SULT1E1: variants seen among roughly 807,000 people sequenced by gnomAD.
The protein encoded by SULT1E1 is sulfotransferase family 1E member 1, also known as sulfotransferase 1E1.
SULT1E1 carries 36 observed loss-of-function variants against 33.6 expected under a neutral mutation model. The observed-to-expected ratio is 1.07, with a 90% CI of 0.82 to 1.41. The LOEUF is 1.41. SULT1E1 is among the 40% of genes most tolerant of loss of function. SULT1E1 has a pLI of 0.00. For synonymous variants in SULT1E1, 121 were observed against 111.7 expected (o/e 1.08, Z -0.53); for missense variants, 371 against 345.7 (o/e 1.07, Z -0.58).
intron 1 of SULT1E1, among the ~76,000 whole-genome samples, chr4:69,858,653 T>TA (rs11573746): frequency 0.022 from 3,374 of 152,166 alleles, 129 homozygotes; most frequent in African/African-American, 0.076. Context: ...TCTCAACTTT[T>TA]AAAAAACCTT....
downstream of SULT1E1, among the ~76,000 whole-genome samples, chr4:69,840,874 G>A (rs1459122479): frequency 3.3e-5 from 5 of 151,946 alleles, no homozygotes; most frequent in South Asian, 2.1e-4. Flanking sequence ...GTGAAACCCC[G>A]TCTCTACTAA....
In SULT1E1 at chr4:69,855,358, C is replaced by A; in HGVS notation, c.214G>T (p.Asp72Tyr). The part of the protein sequence containing the change: ...KEGDVEKCKE[D>Y]VIFNRIPFLE... ...AAAGGTATTCGATTAAAAATTACATCTTCTTTGCACTTTTCCACATCACCC... is the reference window on the plus strand; with the variant it reads ...AAAGGTATTCGATTAAAAATTACATATTCTTTGCACTTTTCCACATCACCC... The change falls in exon 3 of 8, where the codon GAT becomes TAT. Residue 72 changes from aspartate (D) to tyrosine (Y), a missense_variant. Transcript: ENST00000226444. 6.2e-7 allele frequency: 1 copy of A among 1,613,136 alleles called. No homozygotes were observed. Among genetic ancestry groups the A allele is most frequent in the Non-Finnish European group, 8.5e-7 (1 of 1,179,528 alleles).
chr4:69,839,571 A>T (rs749656081), downstream of SULT1E1, among the ~76,000 whole-genome samples: 1 of 152,224 alleles, frequency 6.6e-6, no homozygotes, highest in East Asian at 1.9e-4. Flanking sequence ...CTGTGAATTT[A>T]TCTGGGCCTG....
At chr4:69,838,389 T>C (rs768156481), downstream of SULT1E1, 2 of 152,162 alleles carry the variant, frequency 1.3e-5, no homozygotes, top group East Asian at 3.9e-4. Flanking sequence ...AAGAACAGAA[T>C]TCAAGAGAGT....
Position 69,847,723 on chromosome 4 carries a change from A to C in SULT1E1, c.566T>G (p.Phe189Cys). The change falls in exon 6 of 8, where the codon TTT (phenylalanine) becomes TGT (cysteine). Residue 189 changes from phenylalanine to cysteine, a missense_variant. Transcript: ENST00000226444. Reference protein sequence around the residue: ...WEKGKSPRVLFLFYEDLKEDI... With the variant: ...WEKGKSPRVLCLFYEDLKEDI... The stretch of plus-strand genomic sequence containing the variant: ...CTCTTTCAGGTCTTCGTAGAAAAGA[A>C]ATAGTACACGTGGACTCTTTCCCTT... 6.2e-7 allele frequency: 1 copy of C among 1,606,900 alleles called. No homozygotes were observed. The highest frequency in any genetic ancestry group is 1.7e-4 in the Middle Eastern group (1 of 6,028).
At chr4:69,859,151 G>T (rs1055016660) in intron 1 of SULT1E1, among the ~76,000 whole-genome samples, 20 of 152,016 alleles carry the variant, frequency 1.3e-4, no homozygotes, top group African/African-American at 4.3e-4. Context: ...TAGGTCAGTT[G>T]TTCAGAAATA....
chr4:69,834,043 A>C, the SULT1E1 span, among the ~76,000 whole-genome samples: 22 of 152,078 alleles, frequency 1.4e-4, no homozygotes, highest in Admixed American at 1.0e-3. Context: ...CTTTATCTTG[A>C]AACATTTTGT....
intron 6 of SULT1E1, among the ~76,000 whole-genome samples, chr4:69,845,064 T>C (rs980030502): frequency 1.6e-4 from 25 of 152,062 alleles, no homozygotes; most frequent in African/African-American, 5.8e-4. Flanking sequence ...TAATTTTGGG[T>C]AGATGACCCT....
the SULT1E1 span, among the ~76,000 whole-genome samples, chr4:69,823,647 A>C: frequency 6.6e-6 from 1 of 152,144 alleles, no homozygotes; most frequent in African/African-American, 2.4e-5. Context: ...TTCCTCCAGC[A>C]GTTAAAAGTC....
At chr4:69,830,633 A>G in the SULT1E1 span, among the ~76,000 whole-genome samples, 1 of 152,152 alleles carries the variant, frequency 6.6e-6, no homozygotes, top group African/African-American at 2.4e-5. Flanking sequence ...GGTCTGTTTC[A>G]GGGAACTGGC....
At chr4:69,847,248 A>C (rs1445043251) in intron 6 of SULT1E1, among the ~76,000 whole-genome samples, 1 of 151,210 alleles carries the variant, frequency 6.6e-6, no homozygotes, top group Non-Finnish European at 1.5e-5. Flanking sequence ...CAATTTTAAT[A>C]GTTTTTGTTT....
chr4:69,840,752 G>A (rs531080575), downstream of SULT1E1, among the ~76,000 whole-genome samples: 108 of 152,186 alleles, frequency 7.1e-4, no homozygotes, highest in Non-Finnish European at 1.2e-4. Context: ...TTTGTTGAAA[G>A]TAAAAGAAAA....
chr4:69,852,017 T>C (rs1162459667), intron 4 of SULT1E1, among the ~76,000 whole-genome samples: 2 of 152,066 alleles, frequency 1.3e-5, no homozygotes, highest in African/African-American at 2.4e-5. Flanking sequence ...AAGATATACC[T>C]AATGTAAATG....
At chr4:69,858,516 T>C (rs1230027800) in intron 1 of SULT1E1, among the ~76,000 whole-genome samples, 1 of 152,168 alleles carries the variant, frequency 6.6e-6, no homozygotes, top group Admixed American at 6.5e-5. Flanking sequence ...GTTTCTGACA[T>C]AGCTTCCCAA....
the SULT1E1 span, among the ~76,000 whole-genome samples, chr4:69,821,726 G>T: frequency 6.6e-6 from 1 of 152,090 alleles, no homozygotes; most frequent in African/African-American, 2.4e-5. Context: ...CTACTTTTAC[G>T]TGTGCATTAA....
At chr4:69,832,179 G>C in the SULT1E1 span, among the ~76,000 whole-genome samples, 3 of 152,120 alleles carry the variant, frequency 2.0e-5, no homozygotes, top group African/African-American at 7.2e-5. Context: ...GGATTGTCCT[G>C]TAACCCCTTC....
chr4:69,836,021 G>T, the SULT1E1 span, among the ~76,000 whole-genome samples: 2 of 152,108 alleles, frequency 1.3e-5, no homozygotes, highest in African/African-American at 4.8e-5. Context: ...TTCATAAAAG[G>T]AATGATTTAA....
At chr4:69,827,963 G>A in the SULT1E1 span, among the ~76,000 whole-genome samples, 106 of 152,290 alleles carry the variant, frequency 7.0e-4, no homozygotes, top group Non-Finnish European at 1.2e-3. Flanking sequence ...CTGCTATGCC[G>A]ATGCAATCAC....
chr4:69,858,134 G>C (rs1013702377), intron 1 of SULT1E1, among the ~76,000 whole-genome samples: 1 of 152,038 alleles, frequency 6.6e-6, no homozygotes, highest in African/African-American at 2.4e-5. Flanking sequence ...TCCTGAATAT[G>C]TATCATTTTT....
Sources: gnomAD v4.1 joint callset for allele counts (sites outside exome capture counted in the v4.1 genomes callset) on GRCh38, gnomAD v4.1.1 for gene constraint, MANE v1.5 for transcripts, NCBI Gene and HGNC (gene_info 2026-07-23, HGNC 2026-07-21) for gene names.